The following CCSER1 variants were observed in gnomAD, a reference collection of about 807,000 sequenced individuals.
CCSER1 encodes coiled-coil serine rich protein 1.
CCSER1 carries 41 observed loss-of-function variants against 82.0 expected under a neutral mutation model. That is an observed-to-expected ratio of 0.50 (90% CI 0.39 to 0.65). The LOEUF is 0.65. Ranked by LOEUF, CCSER1 falls within the 30% of genes least tolerant of loss-of-function variation. CCSER1 has a pLI of 0.00. For missense variants in CCSER1, 1,119 were observed against 1,064.2 expected (o/e 1.05, Z -0.72); for synonymous variants, 414 against 383.9 (o/e 1.08, Z -0.92).
At chr4:90,407,080 C>T (rs1753839948) in intron 4 of CCSER1, among the ~76,000 whole-genome samples, 1 of 152,018 alleles carries the variant, frequency 6.6e-6, no homozygotes, top group African/African-American at 2.4e-5. Flanking sequence ...AAAGCTTTTT[C>T]TTCGAAAAAA....
intron 10 of CCSER1, among the ~76,000 whole-genome samples, chr4:91,179,256 T>C (rs868521478): frequency 1.1e-4 from 16 of 152,224 alleles, no homozygotes; most frequent in African/African-American, 3.4e-4. Flanking sequence ...ATTTCAACTT[T>C]GGTGAATCTG....
intron 10 of CCSER1, among the ~76,000 whole-genome samples, chr4:91,169,888 C>T (rs1342788182): frequency 2.6e-5 from 4 of 152,112 alleles, no homozygotes; most frequent in Non-Finnish European, 5.9e-5. Context: ...TTGATAAAGT[C>T]AATATGCTCA....
chr4:90,158,490 A>C (rs1018651192), intron 1 of CCSER1, among the ~76,000 whole-genome samples: 55 of 152,326 alleles, frequency 3.6e-4, no homozygotes, highest in Admixed American at 9.2e-4. Context: ...GGTGGAGCCT[A>C]CAGAGGCAGG....
intron 10 of CCSER1, among the ~76,000 whole-genome samples, chr4:91,252,032 T>G (rs1740296599): frequency 6.6e-6 from 1 of 152,170 alleles, no homozygotes; most frequent in African/African-American, 2.4e-5. Flanking sequence ...CACATACACA[T>G]TATAATCAAA....
intron 3 of CCSER1, among the ~76,000 whole-genome samples, chr4:90,341,370 T>G (rs960637144): frequency 6.6e-6 from 1 of 152,110 alleles, no homozygotes; most frequent in Non-Finnish European, 1.5e-5. Context: ...TTAGATGGCA[T>G]GTAAATCAGA....
chr4:91,370,901 G>A (rs113437803), intron 10 of CCSER1, among the ~76,000 whole-genome samples: 357 of 151,760 alleles, frequency 2.4e-3, no homozygotes, highest in Non-Finnish European at 3.7e-3. Flanking sequence ...TTACTCTGTC[G>A]CCCAGGTTGG....
At chr4:91,508,456 T>G (rs971626979) in intron 10 of CCSER1, among the ~76,000 whole-genome samples, 14 of 151,782 alleles carry the variant, frequency 9.2e-5, no homozygotes, top group Non-Finnish European at 2.1e-4. Flanking sequence ...AAATCCCACC[T>G]GTTCCTGATG....
chr4:91,013,378 T>A (rs1739154660), intron 9 of CCSER1, among the ~76,000 whole-genome samples: 1 of 133,404 alleles, frequency 7.5e-6, no homozygotes, highest in Admixed American at 7.5e-5. Flanking sequence ...TTTGACTATA[T>A]ATGCATAAGT....
At chr4:90,424,470 TACATGCATAC>T (rs1232539197) in intron 4 of CCSER1, among the ~76,000 whole-genome samples, 5 of 152,228 alleles carry the variant, frequency 3.3e-5, no homozygotes, top group African/African-American at 1.2e-4. Flanking sequence ...CATATTTCTT[TACATGCATAC>T]ATGAATTATA....
At chr4:90,328,314 C>A (rs1738597509) in intron 3 of CCSER1, among the ~76,000 whole-genome samples, 1 of 143,968 alleles carries the variant, frequency 6.9e-6, no homozygotes, top group Admixed American at 6.9e-5. Context: ...AGTGATTTTG[C>A]CCTAATAGTT....
intron 9 of CCSER1, among the ~76,000 whole-genome samples, chr4:91,026,301 G>A (rs973990174): frequency 6.6e-6 from 1 of 151,926 alleles, no homozygotes; most frequent in African/African-American, 2.4e-5. Context: ...TATGTCCATT[G>A]TTTAGGTCTC....
intron 10 of CCSER1, among the ~76,000 whole-genome samples, chr4:91,552,284 C>T (rs539933088): frequency 6.6e-6 from 1 of 151,750 alleles, no homozygotes; most frequent in South Asian, 2.1e-4. Flanking sequence ...CTCAAATATT[C>T]TTATTAATCA....
chr4:90,835,883 G>T (rs1044761679), intron 8 of CCSER1, among the ~76,000 whole-genome samples: 3 of 152,154 alleles, frequency 2.0e-5, no homozygotes, highest in African/African-American at 4.8e-5. Flanking sequence ...GACAACACAA[G>T]GTCTGGGGCA....
intron 9 of CCSER1, among the ~76,000 whole-genome samples, chr4:90,994,891 G>T (rs1317291828): frequency 6.6e-6 from 1 of 152,110 alleles, no homozygotes; most frequent in African/African-American, 2.4e-5. Context: ...TTCATGTTGT[G>T]CATGACCATA....
intron 10 of CCSER1, among the ~76,000 whole-genome samples, chr4:91,092,742 T>G (rs1277955051): frequency 6.6e-6 from 1 of 152,188 alleles, no homozygotes; most frequent in Non-Finnish European, 1.5e-5. Flanking sequence ...TCCCTCTGCC[T>G]GAAGAAAGTC....
chr4:90,670,281 G>A (rs924846983), intron 6 of CCSER1, among the ~76,000 whole-genome samples: 3 of 152,084 alleles, frequency 2.0e-5, no homozygotes, highest in African/African-American at 7.2e-5. Context: ...AGAAGCAGAC[G>A]TTGAGACAGG....
intron 4 of CCSER1, among the ~76,000 whole-genome samples, chr4:90,440,871 T>G (rs1759778706): frequency 6.6e-6 from 1 of 152,174 alleles, no homozygotes; most frequent in Non-Finnish European, 1.5e-5. Flanking sequence ...GGCTTAAAAT[T>G]TAAGTTCCTT....
At chr4:90,966,630 C>T (rs182278123) in intron 9 of CCSER1, among the ~76,000 whole-genome samples, 10 of 152,056 alleles carry the variant, frequency 6.6e-5, no homozygotes, top group African/African-American at 2.2e-4. Context: ...GACAATAAAT[C>T]GCCAATTGAA....
At chr4:90,495,209 C>T (rs1236641714) in intron 5 of CCSER1, among the ~76,000 whole-genome samples, 6 of 152,186 alleles carry the variant, frequency 3.9e-5, no homozygotes, top group Admixed American at 2.6e-4. Flanking sequence ...TATATTGGAA[C>T]GTCACTTAAA....
Sources: allele counts gnomAD v4.1 joint callset (sites outside exome capture counted in the v4.1 genomes callset), GRCh38; gene constraint gnomAD v4.1.1; transcripts MANE v1.5; gene names NCBI Gene and HGNC (gene_info 2026-07-23, HGNC 2026-07-21).